The following AGTR1 variants were observed in gnomAD, a reference collection of about 807,000 sequenced individuals.
AGTR1 encodes the protein type-1 angiotensin II receptor.
AGTR1 carries 16 observed loss-of-function variants against 19.4 expected under a neutral mutation model. The ratio of observed to expected loss-of-function variants is 0.82; its 90% CI spans 0.56 to 1.25. The LOEUF is 1.25. Among genes scored for constraint, AGTR1 ranks in the 50% most tolerant of loss-of-function variants. The pLI, the probability that AGTR1 is intolerant of heterozygous loss-of-function variation, is 0.00. For missense variants in AGTR1, 373 were observed against 431.9 expected, an observed-to-expected ratio of 0.86 and a Z score of 1.21; for synonymous variants, 153 against 154.9, an observed-to-expected ratio of 0.99 and a Z score of 0.09.
chr3:148,722,188 G>GA (rs12695890), intron 2 of AGTR1, among the ~76,000 whole-genome samples: 2 of 151,832 alleles, frequency 1.3e-5, no homozygotes, highest in African/African-American at 4.8e-5. Flanking sequence ...CCCATAAAAA[G>GA]AAAAAAATGA....
intron 2 of AGTR1, among the ~76,000 whole-genome samples, chr3:148,740,723 G>T (rs1414164342): frequency 6.6e-6 from 1 of 152,116 alleles, no homozygotes; most frequent in Non-Finnish European, 1.5e-5. Context: ...AAAAGGAAAA[G>T]GACCTAGATA....
chr3:148,727,978 C>A (rs1714049910), intron 2 of AGTR1, among the ~76,000 whole-genome samples: 1 of 152,104 alleles, frequency 6.6e-6, no homozygotes, highest in East Asian at 1.9e-4. Flanking sequence ...AGCAGTATCA[C>A]TTGTCTGCCT....
chr3:148,706,701 G>GA (rs1319651923), intron 1 of AGTR1, among the ~76,000 whole-genome samples: 28 of 152,000 alleles, frequency 1.8e-4, no homozygotes, highest in Non-Finnish European at 7.4e-5. Flanking sequence ...CCATGGCTGA[G>GA]AAAACTCGTA....
At chr3:148,728,891 A>G (rs1379522886) in intron 2 of AGTR1, among the ~76,000 whole-genome samples, 1 of 152,262 alleles carries the variant, frequency 6.6e-6, no homozygotes, top group Admixed American at 6.5e-5. Context: ...AGATATTTCT[A>G]TCACATTGGC....
intron 2 of AGTR1, among the ~76,000 whole-genome samples, chr3:148,721,198 T>C (rs1030141887): frequency 2.6e-5 from 4 of 152,094 alleles, no homozygotes; most frequent in African/African-American, 9.7e-5. Flanking sequence ...GGAGAGAAAA[T>C]GTTCATTCAG....
chr3:148,701,096 A>G (rs1484761647), intron 1 of AGTR1, among the ~76,000 whole-genome samples: 4 of 152,214 alleles, frequency 2.6e-5, no homozygotes, highest in Non-Finnish European at 5.9e-5. Flanking sequence ...AGGAATATCT[A>G]TAGGGACTTA....
chr3:148,726,283 A>T (rs1463819081), intron 2 of AGTR1, among the ~76,000 whole-genome samples: 1 of 151,610 alleles, frequency 6.6e-6, no homozygotes, highest in East Asian at 1.9e-4. Context: ...ATCTCAGCTC[A>T]CTGCAACTTC....
chr3:148,701,625 C>A (rs1201880569), intron 1 of AGTR1, among the ~76,000 whole-genome samples: 2 of 152,156 alleles, frequency 1.3e-5, no homozygotes, highest in Admixed American at 1.3e-4. Flanking sequence ...TATCAGTCTC[C>A]TTCCTATTAC....
intron 2 of AGTR1, among the ~76,000 whole-genome samples, chr3:148,715,086 G>A (rs1483294774): frequency 6.6e-6 from 1 of 152,154 alleles, no homozygotes; most frequent in Non-Finnish European, 1.5e-5. Context: ...TTGGGATTGT[G>A]TGTGTATCAT....
chr3:148,729,315 C>G (rs964948951), intron 2 of AGTR1, among the ~76,000 whole-genome samples: 1 of 152,136 alleles, frequency 6.6e-6, no homozygotes, highest in African/African-American at 2.4e-5. Context: ...GAGTAATGTG[C>G]CACTTCCCTA....
chr3:148,704,701 T>C (rs1712567880), intron 1 of AGTR1, among the ~76,000 whole-genome samples: 1 of 152,224 alleles, frequency 6.6e-6, no homozygotes. Context: ...AGGTAGATTC[T>C]CTGACAGCCA....
At chr3:148,726,853 C>T (rs1713974163) in intron 2 of AGTR1, among the ~76,000 whole-genome samples, 1 of 152,086 alleles carries the variant, frequency 6.6e-6, no homozygotes, top group African/African-American at 2.4e-5. Flanking sequence ...AAAGGCTGCA[C>T]TCTGAGATAA....
chr3:148,722,251 T>TATGCTATTATTACACTATTAC, intron 2 of AGTR1, among the ~76,000 whole-genome samples: 1 of 152,322 alleles, frequency 6.6e-6, no homozygotes, highest in South Asian at 2.1e-4. Context: ...ATTACACTAT[T>TATGCTATTATTACACTATTAC]ACATTAAATG....
At chr3:148,713,867 T>G (rs1713139830) in intron 2 of AGTR1, among the ~76,000 whole-genome samples, 1 of 152,184 alleles carries the variant, frequency 6.6e-6, no homozygotes, top group African/African-American at 2.4e-5. Flanking sequence ...TGTCACAGAT[T>G]CTAGCACTCT....
chr3:148,707,921 G>C (rs1026731772), intron 1 of AGTR1, 23 bp from the exon 2 acceptor site: 2 of 152,154 alleles, frequency 1.3e-5, no homozygotes, highest in East Asian at 1.9e-4. Context: ...AGTGGAATGC[G>C]TTAATCATTT....
chr3:148,711,079 G>A (rs1712954705), intron 2 of AGTR1, among the ~76,000 whole-genome samples: 1 of 152,110 alleles, frequency 6.6e-6, no homozygotes, highest in African/African-American at 2.4e-5. Flanking sequence ...CCAGTTTCAG[G>A]TATTCCTTTA....
chr3:148,715,090 G>T (rs1713216166), intron 2 of AGTR1, among the ~76,000 whole-genome samples: 1 of 152,110 alleles, frequency 6.6e-6, no homozygotes, highest in South Asian at 2.1e-4. Context: ...GATTGTGTGT[G>T]TATCATCCAT....
At chr3:148,733,025 C>T (rs1264131181) in intron 2 of AGTR1, among the ~76,000 whole-genome samples, 1 of 151,982 alleles carries the variant, frequency 6.6e-6, no homozygotes, top group Non-Finnish European at 1.5e-5. Flanking sequence ...CAGGCGTGAG[C>T]CACCGCGCCC....
At chr3:148,739,939 G>A (rs2107972451) in intron 2 of AGTR1, 1 of 1,231,876 alleles carries the variant, frequency 8.1e-7, no homozygotes, top group Non-Finnish European at 1.0e-6. Context: ...ACCTCAGAGT[G>A]TGGCTGTACC....
Sources: allele counts gnomAD v4.1 joint callset (sites outside exome capture counted in the v4.1 genomes callset), GRCh38; gene constraint gnomAD v4.1.1; transcripts MANE v1.5; gene names NCBI Gene and HGNC (gene_info 2026-07-23, HGNC 2026-07-21).